The following EMB variants were observed in gnomAD, a reference collection of about 807,000 sequenced individuals.
EMB encodes embigin, also known as embigin homolog.
EMB carries 31 observed loss-of-function variants against 41.4 expected under a neutral mutation model. That is an observed-to-expected ratio of 0.75 (90% CI 0.56 to 1.01). The LOEUF (loss-of-function observed/expected upper bound fraction) is 1.01. EMB is among the 50% of genes least tolerant of loss of function. EMB has a pLI of 0.00. For synonymous variants in EMB, 137 were observed against 140.4 expected, an observed-to-expected ratio of 0.98 and a Z score of 0.17; for missense variants, 379 against 388.3, an observed-to-expected ratio of 0.98 and a Z score of 0.20.
chr5:50,408,997 TA>T (rs918109501), intron 4 of EMB, among the ~76,000 whole-genome samples: 9 of 152,096 alleles, frequency 5.9e-5, no homozygotes, highest in Non-Finnish European at 2.9e-5. Context: ...ACATTAATGT[TA>T]AAGGGGCATT....
chr5:50,418,421 C>T (rs973965771), intron 2 of EMB, among the ~76,000 whole-genome samples: 2 of 152,204 alleles, frequency 1.3e-5, no homozygotes, highest in African/African-American at 4.8e-5. Flanking sequence ...CTTCTCTCTG[C>T]CCAGCTGAGC....
At chr5:50,436,955 T>C (rs1338251986) in intron 1 of EMB, among the ~76,000 whole-genome samples, 1 of 152,212 alleles carries the variant, frequency 6.6e-6, no homozygotes, top group Non-Finnish European at 1.5e-5. Flanking sequence ...AAAATGGTCA[T>C]GCATCAGAAA....
intron 1 of EMB, 192 bp from the exon 2 acceptor site, chr5:50,428,419 T>G (rs1044741513): frequency 2.5e-6 from 3 of 1,202,960 alleles, no homozygotes; most frequent in South Asian, 3.7e-5. Flanking sequence ...AAAATTCTGA[T>G]TTTTTTTCTT....
At chr5:50,419,037 A>G (rs1745472767) in intron 2 of EMB, among the ~76,000 whole-genome samples, 1 of 152,210 alleles carries the variant, frequency 6.6e-6, no homozygotes, top group Non-Finnish European at 1.5e-5. Flanking sequence ...TGAATTCTGC[A>G]AAGTGGTAAT....
chr5:50,402,430 T>C, intron 6 of EMB, 111 bp from the exon 7 acceptor site: 2 of 999,954 alleles, frequency 2.0e-6, no homozygotes, highest in South Asian at 1.3e-5. Context: ...CTGTTTCTCC[T>C]GTTTGGAATG....
At chr5:50,407,354 C>T (rs938570863) in intron 4 of EMB, among the ~76,000 whole-genome samples, 9 of 151,852 alleles carry the variant, frequency 5.9e-5, no homozygotes, top group South Asian at 2.1e-4. Flanking sequence ...AGCTGCGAGG[C>T]GCTTTTCAAG....
intron 2 of EMB, among the ~76,000 whole-genome samples, chr5:50,412,920 GATTTCTGGGATACTGGTGTA>G (rs1384978103): frequency 1.6e-5 from 2 of 126,076 alleles, no homozygotes; most frequent in African/African-American, 6.3e-5. Context: ...AGAAATCTGG[GATTTCTGGGATACTGGTGTA>G]AAAAAAAAAA....
intron 8 of EMB, among the ~76,000 whole-genome samples, chr5:50,399,528 T>C (rs1440587875): frequency 6.6e-6 from 1 of 151,742 alleles, no homozygotes; most frequent in African/African-American, 2.4e-5. Flanking sequence ...GAAACTAAAA[T>C]AACAGAAAAT....
upstream of EMB, chr5:50,441,378 C>A (rs559798961): frequency 1.2e-5 from 4 of 345,666 alleles, no homozygotes; most frequent in Non-Finnish European, 2.1e-5. Flanking sequence ...AGCCCTCAGC[C>A]GGCTGCTGGC....
chr5:50,410,844 T>C (rs771492199), intron 4 of EMB, 33 bp downstream of exon 4: 38 of 1,284,902 alleles, frequency 3.0e-5, no homozygotes, highest in African/African-American at 4.6e-5. Flanking sequence ...AATGCTGAAG[T>C]TATTAACTAT....
intron 2 of EMB, among the ~76,000 whole-genome samples, chr5:50,426,971 T>C (rs2111842994): frequency 6.7e-6 from 1 of 150,332 alleles, no homozygotes; most frequent in Non-Finnish European, 1.5e-5. Context: ...GCTGCTGAAA[T>C]GACCTGGTAT....
intron 4 of EMB, among the ~76,000 whole-genome samples, chr5:50,406,327 G>T (rs1277516075): frequency 6.6e-6 from 1 of 151,672 alleles, no homozygotes; most frequent in East Asian, 1.9e-4. Context: ...GAGAAGGTGG[G>T]AACAAGGAAC....
At chr5:50,442,155 AT>A (rs374038524), upstream of EMB, among the ~76,000 whole-genome samples, 128 of 151,906 alleles carry the variant, frequency 8.4e-4, no homozygotes, top group East Asian at 0.023. Flanking sequence ...CTCTCCCTTT[AT>A]TTTTTTGAAG....
At chr5:50,430,860 T>C (rs1480584468) in intron 1 of EMB, among the ~76,000 whole-genome samples, 2 of 152,116 alleles carry the variant, frequency 1.3e-5, no homozygotes, top group African/African-American at 2.4e-5. Flanking sequence ...GGACTTGTCA[T>C]GGATGGGCTC....
Position 50,431,586 on chromosome 5 carries a change from AAT to A in EMB, c.113-3361_113-3360del, listed in dbSNP as rs139694148. Among the ~76,000 whole-genome samples, 807 of 152,268 alleles carry A rather than the reference AAT, an allele frequency of 5.3e-3. 29 individuals carry two copies. The East Asian group carries it at 0.1, about 19-fold the overall frequency. On this transcript the variant is annotated intron_variant, in intron 1 of 8. Coordinates refer to ENST00000303221, the MANE Select transcript of EMB (RefSeq NM_198449.3). The stretch of plus-strand genomic sequence containing the variant: ...CATATGCCCAGCTCAGTGCTTTGAA[AAT>A]ATGTCTCCACTGTAAACCTCATCTG...
At chr5:50,441,504 TG>T (rs1253051091), upstream of EMB, 2 of 183,588 alleles carry the variant, frequency 1.1e-5, no homozygotes, top group Non-Finnish European at 2.3e-5. Context: ...GCCAATCTCG[TG>T]GGGAGAGGTC....
At chr5:50,404,519 G>C (rs1169198894) in intron 5 of EMB, among the ~76,000 whole-genome samples, 2 of 151,950 alleles carry the variant, frequency 1.3e-5, no homozygotes, top group African/African-American at 4.8e-5. Context: ...GTCAAATTAA[G>C]AGGATAATGA....
chr5:50,431,635 C>G (rs1364136822), intron 1 of EMB, among the ~76,000 whole-genome samples: 2 of 152,126 alleles, frequency 1.3e-5, no homozygotes, highest in African/African-American at 4.8e-5. Context: ...AAATGAGGAT[C>G]AGAAAAGTTG....
At chr5:50,403,049 G>T in intron 6 of EMB, 129 bp downstream of exon 6, 1 of 844,042 alleles carries the variant, frequency 1.2e-6, no homozygotes, top group Non-Finnish European at 1.8e-6. Flanking sequence ...AGAAAATGAA[G>T]ATTTTCCCCA....
Sources: allele counts gnomAD v4.1 joint callset (sites outside exome capture counted in the v4.1 genomes callset), GRCh38; gene constraint gnomAD v4.1.1; transcripts MANE v1.5; gene names NCBI Gene and HGNC (gene_info 2026-07-23, HGNC 2026-07-21).